Variants in CCDC141 observed in about 807,000 individuals in gnomAD.
CCDC141 encodes the protein coiled-coil domain containing 141, also known as coiled-coil domain-containing protein 141.
CCDC141 carries 168 observed loss-of-function variants against 181.0 expected under a neutral mutation model. The observed-to-expected ratio is 0.93, with a 90% CI of 0.82 to 1.05. The LOEUF (loss-of-function observed/expected upper bound fraction) is 1.05, where lower values mean the gene tolerates loss of function less well. CCDC141 is among the 50% of genes least tolerant of loss of function. The pLI is 0.00. For synonymous variants in CCDC141, 666 were observed against 642.3 expected, an observed-to-expected ratio of 1.04 and a Z score of -0.56; for missense variants, 1,902 against 1,788.5, an observed-to-expected ratio of 1.06 and a Z score of -1.14.
At position 178,837,024 on chromosome 2, in the gene CCDC141, T is replaced by C. The variant is rs778462938; in HGVS notation, c.4195A>G (p.Ser1399Gly). The change falls in exon 23 of 24, where the codon AGC becomes GGC. Residue 1399 changes from serine (S) to glycine (G), a missense_variant. Transcript: ENST00000443758. ...REEIKSTSAK[S>G]SVVSLADQAP... ...TGGTCAGCTAGGCTGACCACGCTGC[T>C]CTTTGCTGATGTGCTTTTAATCTCT... 2 of 1,614,040 alleles carry C rather than the reference T, an allele frequency of 1.2e-6. No individual in the cohort carries two copies. Among genetic ancestry groups the C allele is most frequent in the South Asian group, 2.2e-5 (2 of 91,074 alleles).
At chr2:179,015,558 CAT>C (rs1553503077) in intron 2 of CCDC141, among the ~76,000 whole-genome samples, 3 of 23,524 alleles carry the variant, frequency 1.3e-4, no homozygotes, top group East Asian at 3.6e-3. Flanking sequence ...TCTCATATCT[CAT>C]ATATATCTCA....
chr2:179,026,695 C>T (rs6755329), intron 2 of CCDC141, among the ~76,000 whole-genome samples: 127,192 of 152,138 alleles, frequency 0.84, 53,544 homozygotes, highest in East Asian at 0.94. Flanking sequence ...GCTTGCACTG[C>T]GCACCTGGAA....
chr2:178,888,458 C>G, intron 9 of CCDC141, 69 bp downstream of exon 9: 1 of 1,434,684 alleles, frequency 7.0e-7, no homozygotes, highest in South Asian at 1.3e-5. Flanking sequence ...CCGCCATGCC[C>G]ACATACTGCC....
At chr2:178,980,456 AG>A (rs1691325032) in intron 2 of CCDC141, among the ~76,000 whole-genome samples, 1 of 152,194 alleles carries the variant, frequency 6.6e-6, no homozygotes, top group African/African-American at 2.4e-5. Context: ...TCTCAAAAAA[AG>A]AAAAAAAAAT....
rs779575013 is a variant in CCDC141 at position 178,871,493 on chromosome 2, G to A, written c.2139C>T (p.Leu713=). 12 of 1,613,846 alleles carry A rather than the reference G, an allele frequency of 7.4e-6. No homozygotes were observed. Among genetic ancestry groups the A allele is most frequent in the South Asian group, 1.1e-5 (1 of 91,068 alleles). ...EALMPVSALD[L]GGSLQFILDL... The stretch of plus-strand genomic sequence containing the variant: ...CTAAAATGAACTGGAGGCTCCCTCC[G>A]AGGTCAAGTGCAGACACAGGCATAA... Residue 713 remains leucine, a synonymous_variant, in exon 14 of 24, where the codon CTC becomes CTT. Transcript: ENST00000443758.
downstream of CCDC141, chr2:178,825,402 C>T (rs1684108591): frequency 1.3e-5 from 2 of 152,056 alleles, no homozygotes; most frequent in African/African-American, 4.8e-5. Flanking sequence ...GCCAAAAGGA[C>T]TTCTTTTATT....
chr2:178,884,994 C>G lies in CCDC141; in HGVS notation c.1626G>C (p.Trp542Cys), dbSNP rs1320488697. The G allele has an allele frequency of 9.7e-6, 15 of 1,550,110 alleles. No homozygotes were observed. Among genetic ancestry groups the G allele is most frequent in the Non-Finnish European group, 2.6e-6 (3 of 1,146,706 alleles). ...CAAATAGGTTTAATTCTTCTGCTAG[C>G]CATCTAGCTTTAGAGGAAAGTGATA... ...EMVSLSSKAR[W>C]LAEELNLFGQ... Residue 542 changes from tryptophan to cysteine, a missense_variant, in exon 11 of 24, where the codon TGG becomes TGC. Trp to Cys is a radical substitution (Grantham distance 215). Coordinates refer to ENST00000443758, the MANE Select transcript of CCDC141 (RefSeq NM_173648.4).
intron 2 of CCDC141, among the ~76,000 whole-genome samples, chr2:179,008,198 A>T (rs988990960): frequency 1.3e-5 from 2 of 152,170 alleles, no homozygotes; most frequent in Non-Finnish European, 2.9e-5. Flanking sequence ...TTTTGGTCAA[A>T]CAAAAATATA....
intron 23 of CCDC141, among the ~76,000 whole-genome samples, chr2:178,834,649 C>T (rs574115573): frequency 3.3e-5 from 5 of 151,932 alleles, no homozygotes; most frequent in South Asian, 4.2e-4. Context: ...GAGATCATTG[C>T]GGTCTCAAAC....
At position 178,961,458 on chromosome 2, in the gene CCDC141, A is replaced by G; in HGVS notation, c.552T>C (p.Leu184=). 6.5e-7 allele frequency: 1 copy of G among 1,550,282 alleles called. No homozygotes were observed. The highest frequency in any genetic ancestry group is 8.7e-7 in the Non-Finnish European group (1 of 1,146,730). The change falls in exon 5 of 24, where the codon CTT becomes CTC. Residue 184 remains leucine (L), a synonymous_variant. Coordinates refer to ENST00000443758, the MANE Select transcript of CCDC141 (RefSeq NM_173648.4). ...TKELLERSLA[L]LNKSQQLTDF... ...CAGTGAGTTGTTGACTTTTGTTTAAAAGGGCTAAAGACCGTTCCAAGAGTT... is the reference window on the plus strand; with the variant it reads ...CAGTGAGTTGTTGACTTTTGTTTAAGAGGGCTAAAGACCGTTCCAAGAGTT...
At chr2:178,943,810 G>A (rs1266786283) in intron 6 of CCDC141, among the ~76,000 whole-genome samples, 2 of 152,104 alleles carry the variant, frequency 1.3e-5, no homozygotes, top group Non-Finnish European at 2.9e-5. Flanking sequence ...ACAATGGAGA[G>A]AAGGTCAACC....
intron 2 of CCDC141, among the ~76,000 whole-genome samples, chr2:179,027,975 G>A (rs1191097628): frequency 6.6e-6 from 1 of 152,174 alleles, no homozygotes; most frequent in Non-Finnish European, 1.5e-5. Context: ...GTGAGAACAT[G>A]CAAGATAAGA....
chr2:178,978,184 A>C (rs1691208329), intron 3 of CCDC141, among the ~76,000 whole-genome samples: 1 of 152,180 alleles, frequency 6.6e-6, no homozygotes. Flanking sequence ...TAACTGTATT[A>C]CTACCTTCTA....
intron 2 of CCDC141, among the ~76,000 whole-genome samples, chr2:179,003,067 G>A (rs1559040854): frequency 1.3e-5 from 2 of 152,096 alleles, no homozygotes; most frequent in Non-Finnish European, 1.5e-5. Flanking sequence ...CCCAGTGATT[G>A]TTTTTGGGTG....
chr2:179,017,422 T>C (rs1234443961), intron 2 of CCDC141, among the ~76,000 whole-genome samples: 1 of 152,098 alleles, frequency 6.6e-6, no homozygotes, highest in Non-Finnish European at 1.5e-5. Context: ...TTCTTTTCTG[T>C]TCCTTGGGAG....
intron 17 of CCDC141, among the ~76,000 whole-genome samples, chr2:178,860,926 C>T (rs545395062): frequency 1.3e-5 from 2 of 152,264 alleles, no homozygotes; most frequent in African/African-American, 2.4e-5. Context: ...TAATTTTAAA[C>T]TTCAGCTCTG....
intron 7 of CCDC141, among the ~76,000 whole-genome samples, chr2:178,909,002 T>G (rs181533968): frequency 3.7e-4 from 57 of 152,326 alleles, no homozygotes; most frequent in African/African-American, 1.2e-3. Context: ...TGCCTGTCAT[T>G]CATCCCACAT....
chr2:178,945,695 G>C (rs1461912425), intron 5 of CCDC141, among the ~76,000 whole-genome samples: 1 of 152,130 alleles, frequency 6.6e-6, no homozygotes. Flanking sequence ...TCCCAAGCCT[G>C]ATACTATGTC....
chr2:178,967,057 A>C lies in CCDC141; in HGVS notation c.527-5574T>G, dbSNP rs571587195. Among the ~76,000 whole-genome samples, 10 of 152,196 alleles carry C rather than the reference A, an allele frequency of 6.6e-5. No individual in the cohort carries two copies. The East Asian group carries it at 1.9e-3, about 29-fold the overall frequency. ...GTGAGAAGACAAGATTAGAGATAAA[A>C]GAAGAAAAAGGAACAAGCAAAGCCT... On this transcript the variant is annotated intron_variant, in intron 4 of 23. Transcript: ENST00000443758.
Sources: allele counts gnomAD v4.1 joint callset (sites outside exome capture counted in the v4.1 genomes callset), GRCh38; gene constraint gnomAD v4.1.1; transcripts MANE v1.5; gene names NCBI Gene and HGNC (gene_info 2026-07-23, HGNC 2026-07-21).